Variants in LOXHD1 observed in about 807,000 individuals in gnomAD.
LOXHD1 encodes lipoxygenase homology domain-containing protein 1.
LOXHD1 carries 205 observed loss-of-function variants against 248.2 expected under a neutral mutation model. The observed-to-expected ratio is 0.83, with a 90% CI of 0.74 to 0.93. The LOEUF is 0.93. Among genes scored for constraint, LOXHD1 ranks in the 40% least tolerant of loss-of-function variants. The probability of loss-of-function intolerance (pLI) is 0.00; values close to 1 mark genes in which losing one functional copy is unlikely to be tolerated. For synonymous variants in LOXHD1, 1,113 were observed against 1,162.8 expected (o/e 0.96, Z 0.87); for missense variants, 2,930 against 2,971.6 (o/e 0.99, Z 0.33).
intron 21 of LOXHD1, among the ~76,000 whole-genome samples, chr18:46,547,638 G>A (rs1284615092): frequency 6.6e-6 from 1 of 152,126 alleles, no homozygotes; most frequent in African/African-American, 2.4e-5. Flanking sequence ...TGGACAGAGT[G>A]AAGGTAGGGC....
Position 46,547,006 on chromosome 18 carries a change from G to T in LOXHD1, c.3403C>A (p.Leu1135Met), listed in dbSNP as rs1344977382. ...WLAVEEDDGQ[L>M]SRELLPVDES... ...TCCACTGGCAACAGCTCCCTGGACA[G>T]CTGGCCATCATCTTCCTCCACTGCC... Residue 1135 changes from leucine to methionine, a missense_variant, in exon 22 of 41, where the codon CTG becomes ATG. Physicochemically the swap from Leu to Met is conservative, Grantham distance 15. Transcript: ENST00000642948. 1 of 1,551,674 alleles carries T rather than the reference G, an allele frequency of 6.4e-7. No homozygotes were observed. The highest frequency in any genetic ancestry group is 8.7e-7 in the Non-Finnish European group (1 of 1,147,022).
chr18:46,485,036 C>A lies in LOXHD1; in HGVS notation c.6165G>T (p.Arg2055Ser). The A allele has an allele frequency of 6.4e-7, 1 of 1,551,064 alleles. No individual in the cohort carries two copies. Among genetic ancestry groups the A allele is most frequent in the Non-Finnish European group, 8.7e-7 (1 of 1,146,666 alleles). ...SKEFLMENSS[R>S]QRAFRKGTTD... ...CTTCCTACTTCCTAAAGGCCCGCTG[C>A]CTAGAAGAATTTTCCATGAGAAACT... The change falls in exon 39 of 41, where the codon AGG becomes AGT. Residue 2055 changes from arginine to serine, a missense_variant. Arg to Ser is a moderately radical substitution (Grantham distance 110). Coordinates refer to ENST00000642948, the MANE Select transcript of LOXHD1 (RefSeq NM_001384474.1).
intron 21 of LOXHD1, among the ~76,000 whole-genome samples, chr18:46,551,163 C>G (rs1363165632): frequency 6.7e-6 from 1 of 150,006 alleles, no homozygotes. Context: ...AGTGCAGTGG[C>G]GCAATCTCGG....
At chr18:46,605,929 T>C (rs924106020) in intron 6 of LOXHD1, among the ~76,000 whole-genome samples, 3 of 152,078 alleles carry the variant, frequency 2.0e-5, no homozygotes, top group African/African-American at 7.3e-5. Flanking sequence ...TTGCAAATTC[T>C]TGAATCAAAG....
At chr18:46,644,493 G>A (rs367950054) in intron 2 of LOXHD1, among the ~76,000 whole-genome samples, 1 of 152,224 alleles carries the variant, frequency 6.6e-6, no homozygotes. Context: ...CAAGGCAGGA[G>A]AATCATTTGA....
Position 46,484,824 on chromosome 18 carries a change from C to A in LOXHD1, c.6182+195G>T, listed in dbSNP as rs971858736. On this transcript the variant is annotated intron_variant, in intron 39 of 40. Coordinates refer to ENST00000642948, the MANE Select transcript of LOXHD1 (RefSeq NM_001384474.1). ...AGGGTGGGCTCCCATTAAATGCAGT[C>A]CCATGCTTTCCCTTTCACCATTGCC... 3.3e-5 allele frequency among the ~76,000 whole-genome samples: 5 copies of A among 152,236 alleles called. No individual in the cohort carries two copies. In the East Asian group the frequency reaches 7.7e-4, roughly 24 times the overall value.
intron 5 of LOXHD1, 49 bp from the exon 6 acceptor site, chr18:46,610,973 G>T: frequency 6.5e-7 from 1 of 1,542,908 alleles, no homozygotes; most frequent in Non-Finnish European, 8.7e-7. Context: ...CAGAAGAAAA[G>T]AATTTCCAAG....
At chr18:46,627,965 G>A (rs2038767327) in intron 4 of LOXHD1, among the ~76,000 whole-genome samples, 1 of 152,310 alleles carries the variant, frequency 6.6e-6, no homozygotes, top group South Asian at 2.1e-4. Flanking sequence ...GGGCCTGTAT[G>A]TAATCACCCT....
chr18:46,559,067 T>C (rs1599000781), intron 20 of LOXHD1: 1 of 1,058,030 alleles, frequency 9.5e-7, no homozygotes, highest in East Asian at 5.7e-5. Flanking sequence ...GTCTACACCA[T>C]ACTCACCTGC....
Position 46,563,237 on chromosome 18 carries a change from C to T in LOXHD1, c.2438-12G>A, listed in dbSNP as rs976678778. 1.8e-5 allele frequency: 26 copies of T among 1,479,852 alleles called. No individual in the cohort carries two copies. The highest frequency in any genetic ancestry group is 4.2e-5 in the Admixed American group (2 of 47,340). 91.7% of individuals were successfully genotyped at this position (1,479,852 alleles called of 1,614,324 possible). Reference sequence around the variant, plus strand: ...CTCATAGTGGACCACTGGGTGGGCACGTGCAGAAGAAGTGGAACATTTAGT... The same window carrying T: ...CTCATAGTGGACCACTGGGTGGGCATGTGCAGAAGAAGTGGAACATTTAGT... On this transcript the variant is annotated splice_polypyrimidine_tract_variant and intron_variant, in intron 17 of 40. Transcript: ENST00000642948.
chr18:46,616,786 C>T (rs1356516701), intron 5 of LOXHD1, among the ~76,000 whole-genome samples: 2 of 152,150 alleles, frequency 1.3e-5, no homozygotes, highest in African/African-American at 4.8e-5. Context: ...CACTATTCCA[C>T]GTGCTTATAA....
At chr18:46,641,032 ATAGTAG>A (rs1366409255) in intron 3 of LOXHD1, among the ~76,000 whole-genome samples, 15 of 152,284 alleles carry the variant, frequency 9.9e-5, no homozygotes, top group African/African-American at 3.6e-4. Context: ...AGTCTGGCAC[ATAGTAG>A]GACCTCAGCT....
chr18:46,560,073 A>ACCCCCC lies in LOXHD1; in HGVS notation c.3061+9_3061+10insGGGGGG. 3 of 258,042 alleles carry ACCCCCC rather than the reference A, an allele frequency of 1.2e-5. No individual in the cohort carries two copies. Among genetic ancestry groups the ACCCCCC allele is most frequent in the South Asian group, 4.2e-5 (1 of 23,650 alleles). 16.0% of individuals were successfully genotyped at this position (258,042 alleles called of 1,614,324 possible). On this transcript the variant is annotated intron_variant, in intron 19 of 40. Transcript: ENST00000642948. ...TCCCTCCCCACCCCCACCCCCCACG[A>ACCCCCC]CCCACTTACGCTCAGGACCCGGCTT...
chr18:46,601,510 G>A, intron 7 of LOXHD1, 43 bp from the exon 8 acceptor site: 2 of 1,551,374 alleles, frequency 1.3e-6, no homozygotes, highest in Non-Finnish European at 1.7e-6. Context: ...AATGTGAGCT[G>A]CATCATAATA....
intron 4 of LOXHD1, among the ~76,000 whole-genome samples, chr18:46,635,891 T>C (rs1353049269): frequency 6.6e-6 from 1 of 152,102 alleles, no homozygotes; most frequent in Non-Finnish European, 1.5e-5. Flanking sequence ...GCCCCCTAGA[T>C]GGATTGAGGG....
intron 37 of LOXHD1, among the ~76,000 whole-genome samples, chr18:46,494,845 CTCTCTTT>C (rs1281085102): frequency 8.0e-6 from 1 of 124,926 alleles, no homozygotes; most frequent in African/African-American, 2.8e-5. Context: ...CTTTTTCTCT[CTCTCTTT>C]TTTTTTTTTT....
chr18:46,639,872 C>G, intron 3 of LOXHD1, 72 bp from the exon 4 acceptor site: 1 of 1,504,072 alleles, frequency 6.6e-7, no homozygotes, highest in Non-Finnish European at 9.0e-7. Flanking sequence ...CTGGAATACC[C>G]AGATGTTTAC....
intron 38 of LOXHD1, among the ~76,000 whole-genome samples, chr18:46,488,202 C>A (rs2033205331): frequency 6.6e-6 from 1 of 152,104 alleles, no homozygotes; most frequent in African/African-American, 2.4e-5. Flanking sequence ...AAGACATTGG[C>A]CCTGCCAGAG....
At chr18:46,615,958 T>C (rs1175476825) in intron 5 of LOXHD1, among the ~76,000 whole-genome samples, 5 of 152,202 alleles carry the variant, frequency 3.3e-5, no homozygotes, top group African/African-American at 9.6e-5. Context: ...TTGAACAAAG[T>C]TGTTTGCCTT....
Sources: allele counts gnomAD v4.1 joint callset (sites outside exome capture counted in the v4.1 genomes callset), GRCh38; gene constraint gnomAD v4.1.1; transcripts MANE v1.5; gene names NCBI Gene and HGNC (gene_info 2026-07-23, HGNC 2026-07-21).